NEGR1: variants seen among roughly 807,000 people sequenced by gnomAD.
NEGR1 encodes neuronal growth regulator 1.
Under a neutral mutation model 40.9 loss-of-function variants are expected in NEGR1, and 10 were observed. The ratio of observed to expected loss-of-function variants is 0.24; its 90% CI spans 0.15 to 0.42. NEGR1 has a LOEUF of 0.42. NEGR1 is among the 10% of genes least tolerant of loss of function. The pLI is 1.00. For missense variants in NEGR1, 352 were observed against 438.9 expected (o/e 0.80, Z 1.77); for synonymous variants, 185 against 166.8 (o/e 1.11, Z -0.84).
intron 1 of NEGR1, among the ~76,000 whole-genome samples, chr1:72,101,623 C>CT (rs563269778): frequency 3.4e-4 from 51 of 148,764 alleles, no homozygotes; most frequent in African/African-American, 8.9e-4. Context: ...AGACTGTAGA[C>CT]TTTTTTTTTT....
intron 2 of NEGR1, among the ~76,000 whole-genome samples, chr1:71,900,532 T>C (rs1423152979): frequency 6.6e-6 from 1 of 152,170 alleles, no homozygotes; most frequent in Non-Finnish European, 1.5e-5. Context: ...ATCATCTTAA[T>C]TGCCTTCAAT....
chr1:72,017,564 G>A (rs911551840), intron 1 of NEGR1, among the ~76,000 whole-genome samples: 24 of 152,016 alleles, frequency 1.6e-4, no homozygotes, highest in African/African-American at 5.8e-4. Context: ...AAACATGATT[G>A]CCCAGGATAT....
chr1:71,621,563 T>A (rs1428700304), intron 4 of NEGR1, among the ~76,000 whole-genome samples: 1 of 151,788 alleles, frequency 6.6e-6, no homozygotes, highest in Non-Finnish European at 1.5e-5. Flanking sequence ...TAAGCTGTGA[T>A]CTTTGATTCC....
rs1358113163 is a variant in NEGR1 at position 72,080,958 on chromosome 1, G to A, written c.177-145647C>T. Among the ~76,000 whole-genome samples, 5 of 152,042 alleles carry A rather than the reference G, an allele frequency of 3.3e-5. No homozygotes were observed. In the East Asian group the frequency reaches 9.6e-4, roughly 29 times the overall value. On this transcript the variant is annotated intron_variant, in intron 1 of 6. Coordinates refer to ENST00000357731, the MANE Select transcript of NEGR1 (RefSeq NM_173808.3). The stretch of plus-strand genomic sequence containing the variant: ...CGAATGAATGAATGAATGTGCCTCT[G>A]GTTGAGAGAGGGTATTTCAGCCTAA...
chr1:72,212,423 T>C lies in NEGR1; in HGVS notation c.176+69896A>G, dbSNP rs547249589. ...AAATTAAAACATTGGCTGGAACTTG[T>C]CTCAGGAAGCCAAGGTTGGTGGTGG... On this transcript the variant is annotated intron_variant, in intron 1 of 6. Transcript: ENST00000357731. 3.5e-3 allele frequency among the ~76,000 whole-genome samples: 526 copies of C among 152,000 alleles called. 4 individuals are homozygous for C. The highest frequency in any genetic ancestry group is 0.012 in the African/African-American group (509 of 41,508).
intron 2 of NEGR1, among the ~76,000 whole-genome samples, chr1:71,886,254 G>A (rs1660719709): frequency 6.6e-6 from 1 of 152,160 alleles, no homozygotes. Flanking sequence ...ATGATTATTA[G>A]TTGTTCCCTA....
intron 6 of NEGR1, among the ~76,000 whole-genome samples, chr1:71,422,330 G>T (rs1338333858): frequency 1.3e-5 from 2 of 152,182 alleles, no homozygotes; most frequent in South Asian, 2.1e-4. Context: ...ACTGTCTATT[G>T]TTACAGAACT....
intron 1 of NEGR1, among the ~76,000 whole-genome samples, chr1:72,223,033 A>G (rs1570141742): frequency 6.6e-6 from 1 of 152,170 alleles, no homozygotes; most frequent in Admixed American, 6.6e-5. Context: ...GGCTAATGTG[A>G]CTGAATGATT....
intron 6 of NEGR1, among the ~76,000 whole-genome samples, chr1:71,451,765 A>G (rs575069647): frequency 6.6e-6 from 1 of 152,318 alleles, no homozygotes; most frequent in East Asian, 1.9e-4. Flanking sequence ...CAAGTATTTA[A>G]ATTTCCTCTG....
intron 1 of NEGR1, among the ~76,000 whole-genome samples, chr1:72,211,205 A>C (rs1653594586): frequency 6.6e-6 from 1 of 151,604 alleles, no homozygotes; most frequent in South Asian, 2.1e-4. Flanking sequence ...TTGTTGGGTA[A>C]ATCTACTAAA....
At chr1:71,609,372 G>A (rs796787969) in intron 5 of NEGR1, among the ~76,000 whole-genome samples, 30 of 150,882 alleles carry the variant, frequency 2.0e-4, no homozygotes, top group African/African-American at 6.1e-4. Context: ...AAAATAAGCC[G>A]GGCGTGGTGG....
chr1:72,069,677 T>C (rs1647383216), intron 1 of NEGR1, among the ~76,000 whole-genome samples: 1 of 152,104 alleles, frequency 6.6e-6, no homozygotes, highest in Admixed American at 6.6e-5. Flanking sequence ...TAACACTCTA[T>C]AGGCCAAGGA....
At chr1:71,479,611 C>A (rs1051790872) in intron 6 of NEGR1, among the ~76,000 whole-genome samples, 88 of 152,026 alleles carry the variant, frequency 5.8e-4, no homozygotes, top group African/African-American at 2.1e-3. Flanking sequence ...GGTAAATATA[C>A]GCTTAAGGGA....
chr1:71,456,058 C>T (rs1357783752), intron 6 of NEGR1, among the ~76,000 whole-genome samples: 1 of 152,062 alleles, frequency 6.6e-6, no homozygotes, highest in Non-Finnish European at 1.5e-5. Context: ...TGATATAGAG[C>T]TATATAACCA....
chr1:72,278,788 A>C (rs1481401140), intron 1 of NEGR1, among the ~76,000 whole-genome samples: 1 of 152,166 alleles, frequency 6.6e-6, no homozygotes, highest in African/African-American at 2.4e-5. Context: ...AAGTTCTGTT[A>C]AGAATAAAAT....
intron 2 of NEGR1, among the ~76,000 whole-genome samples, chr1:71,883,361 T>A (rs891587358): frequency 1.3e-5 from 2 of 152,156 alleles, no homozygotes; most frequent in African/African-American, 4.8e-5. Flanking sequence ...TCCACCGTTG[T>A]TTGATATGCT....
intron 2 of NEGR1, among the ~76,000 whole-genome samples, chr1:71,895,582 A>G (rs1290409414): frequency 1.4e-5 from 2 of 145,876 alleles, no homozygotes; most frequent in Non-Finnish European, 3.0e-5. Context: ...TCTTTCACTT[A>G]GTGTTATAAT....
At chr1:71,608,747 A>G (rs12082359) in intron 5 of NEGR1, among the ~76,000 whole-genome samples, 2,276 of 152,298 alleles carry the variant, frequency 0.015, 50 homozygotes, top group African/African-American at 0.053. Context: ...GAACTCCTGC[A>G]ATGATGTCCT....
At chr1:71,597,472 C>CTCTCTCTTTGTGTGTGTGTGTGTGTG (rs756076229) in intron 5 of NEGR1, among the ~76,000 whole-genome samples, 1 of 31,326 alleles carries the variant, frequency 3.2e-5, no homozygotes, top group African/African-American at 1.0e-4. Context: ...CTCTCTCTCT[C>CTCTCTCTTTGTGTGTGTGTGTGTGTG]TGTGTGTGTG....
Sources: allele counts gnomAD v4.1 joint callset (sites outside exome capture counted in the v4.1 genomes callset), GRCh38; gene constraint gnomAD v4.1.1; transcripts MANE v1.5; gene names NCBI Gene and HGNC (gene_info 2026-07-23, HGNC 2026-07-21).